ZC3HC1: variants seen among roughly 807,000 people sequenced by gnomAD.
The protein encoded by ZC3HC1 is zinc finger C3HC-type protein 1.
In ZC3HC1, 38 loss-of-function variants were observed where a neutral mutation model predicts 61.9. The observed-to-expected ratio is 0.61, with a 90% CI of 0.47 to 0.81. The LOEUF (loss-of-function observed/expected upper bound fraction) is 0.81, where lower values mean the gene tolerates loss of function less well. ZC3HC1 is among the 30% of genes least tolerant of loss of function. The pLI is 0.00. For synonymous variants in ZC3HC1, 213 were observed against 229.9 expected (o/e 0.93, Z 0.67); for missense variants, 554 against 622.7 (o/e 0.89, Z 1.17).
intron 4 of ZC3HC1, among the ~76,000 whole-genome samples, chr7:130,031,093 G>T (rs901516696): frequency 2.2e-4 from 33 of 151,728 alleles, no homozygotes; most frequent in Non-Finnish European, 1.5e-4. Flanking sequence ...ACTTTGGGAG[G>T]CCAAGGTGGG....
intron 6 of ZC3HC1, among the ~76,000 whole-genome samples, chr7:130,025,126 G>A (rs543132275): frequency 8.8e-5 from 13 of 147,960 alleles, no homozygotes; most frequent in East Asian, 6.8e-4. Context: ...GGCTGGTCTC[G>A]AATTCCTGAC....
Position 130,022,449 on chromosome 7 carries a change from C to T in ZC3HC1, c.1310G>A (p.Gly437Asp). The T allele has an allele frequency of 1.2e-6, 2 of 1,611,274 alleles. No individual in the cohort carries two copies. Among genetic ancestry groups the T allele is most frequent in the South Asian group, 1.1e-5 (1 of 90,582 alleles). ...TCCACCATTCTCCCTGCTTTCTTTG[C>T]CAAGTGTGATATTCACCCAAGGGCA... is the stretch of plus-strand genomic sequence containing the variant. The part of the protein sequence containing the change: ...DWCPWVNITL[G>D]KESRENGGTE... Residue 437 changes from glycine to aspartate, a missense_variant, in exon 9 of 10, where the codon GGC (glycine) becomes GAC (aspartate). By Grantham distance (94) the Gly-to-Asp change is moderately conservative. Transcript: ENST00000358303.
intron 9 of ZC3HC1, among the ~76,000 whole-genome samples, chr7:130,019,219 T>G (rs1310020835): frequency 6.6e-6 from 1 of 152,020 alleles, no homozygotes; most frequent in East Asian, 1.9e-4. Flanking sequence ...TGGCTAATTT[T>G]TTGTATTTTT....
chr7:130,019,587 A>G (rs1017864572), intron 9 of ZC3HC1, among the ~76,000 whole-genome samples: 3 of 152,192 alleles, frequency 2.0e-5, no homozygotes, highest in African/African-American at 4.8e-5. Context: ...GATCATGCCA[A>G]TGAAGTACTC....
intron 9 of ZC3HC1, 49 bp from the exon 10 acceptor site, chr7:130,018,781 C>T (rs1286238147): frequency 4.0e-6 from 6 of 1,500,682 alleles, no homozygotes; most frequent in Admixed American, 1.7e-5. Flanking sequence ...TTTATAGAGA[C>T]AAAGGATAGA....
Position 130,026,201 on chromosome 7 carries a change from G to A in ZC3HC1, c.733C>T (p.His245Tyr). 1 of 1,614,068 alleles carries A rather than the reference G, an allele frequency of 6.2e-7. No homozygotes were observed. The highest frequency in any genetic ancestry group is 1.3e-5 in the African/African-American group (1 of 75,020). ...TIKLGSDIQV[H>Y]VTACILSVCG... is the part of the protein sequence containing the mutation. ...ACAGAGAGAATACAGGCAGTGACGT[G>A]GACTTGGATGTCTGAGCCTAATTTG... is the stretch of plus-strand genomic sequence containing the variant. Residue 245 changes from histidine to tyrosine, a missense_variant, in exon 6 of 10, where the codon CAC (histidine) becomes TAC (tyrosine). His to Tyr is a moderately conservative substitution (Grantham distance 83). Coordinates refer to ENST00000358303, the MANE Select transcript of ZC3HC1 (RefSeq NM_016478.5).
At chr7:130,024,894 CTTTTTTTTTTTTT>C (rs544256735) in intron 6 of ZC3HC1, among the ~76,000 whole-genome samples, 10 of 37,056 alleles carry the variant, frequency 2.7e-4, no homozygotes, top group East Asian at 2.6e-3. Context: ...TCCTGTCCCT[CTTTTTTTTTTTTT>C]TTTTTTTTTT....
chr7:130,033,861 A>T (rs189287548), intron 4 of ZC3HC1, among the ~76,000 whole-genome samples: 1 of 152,300 alleles, frequency 6.6e-6, no homozygotes, highest in East Asian at 1.9e-4. Flanking sequence ...CAACTCTCCA[A>T]AGAGCCTGAT....
intron 2 of ZC3HC1, among the ~76,000 whole-genome samples, chr7:130,047,638 TACACACACACACAC>T (rs34052360): frequency 1.7e-4 from 23 of 138,214 alleles, no homozygotes; most frequent in South Asian, 1.2e-3. Context: ...AGACTTTGTC[TACACACACACACAC>T]ACACACACAC....
At chr7:130,030,135 A>G (rs567183555) in intron 4 of ZC3HC1, among the ~76,000 whole-genome samples, 1 of 151,740 alleles carries the variant, frequency 6.6e-6, no homozygotes, top group African/African-American at 2.4e-5. Context: ...TTGCTAAGCT[A>G]CTTCCTAAAG....
At position 130,023,869 on chromosome 7, in the gene ZC3HC1, G is replaced by T; in HGVS notation, c.1021-146C>A. 1 of 750,626 alleles carries T rather than the reference G, an allele frequency of 1.3e-6. No individual in the cohort carries two copies. The highest frequency in any genetic ancestry group is 2.1e-6 in the Non-Finnish European group (1 of 479,502). The allele number at this position is 750,626 out of a possible 1,614,324, so 46.5% of individuals were successfully genotyped here. On this transcript the variant is annotated intron_variant, in intron 7 of 9. Coordinates refer to ENST00000358303, the MANE Select transcript of ZC3HC1 (RefSeq NM_016478.5). This position sits in a 1 kb window ranked among gnomAD's most constrained non-coding sequence, Gnocchi z 4.2. ...GGCTGGAGAGCAGTGAGGCGATCTT[G>T]GCTCATGGCAACCTCTGCCTCCCGA...
chr7:130,042,392 A>T (rs1415942491), intron 2 of ZC3HC1, among the ~76,000 whole-genome samples: 2 of 152,166 alleles, frequency 1.3e-5, no homozygotes, highest in Admixed American at 6.5e-5. Flanking sequence ...CTAGGAACTT[A>T]AAGGCACCAG....
intron 1 of ZC3HC1, among the ~76,000 whole-genome samples, chr7:130,049,712 G>A (rs1304653527): frequency 1.3e-5 from 2 of 151,622 alleles, no homozygotes; most frequent in East Asian, 2.0e-4. Context: ...GCGTGGGCCC[G>A]GCTAATTTTT....
chr7:130,039,270 G>A (rs1794550259), intron 4 of ZC3HC1, 194 bp downstream of exon 4: 2 of 566,118 alleles, frequency 3.5e-6, no homozygotes, highest in African/African-American at 1.9e-5. Flanking sequence ...CTTGAACGCG[G>A]GAGGCGAAGG....
rs567788496 is a variant in ZC3HC1 at position 130,031,540 on chromosome 7, A to G, written c.494-2511T>C. On this transcript the variant is annotated intron_variant, in intron 4 of 9. Transcript: ENST00000358303. Reference sequence around the variant, plus strand: ...CCCAGACAGGTTTTCAAAAATGATCATTGGCAACTGTTTAACATCACAGTT... The same window carrying G: ...CCCAGACAGGTTTTCAAAAATGATCGTTGGCAACTGTTTAACATCACAGTT... 7.2e-5 allele frequency among the ~76,000 whole-genome samples: 11 copies of G among 152,280 alleles called. No homozygotes were observed. The South Asian group carries it at 2.3e-3, about 32-fold the overall frequency.
intron 9 of ZC3HC1, among the ~76,000 whole-genome samples, chr7:130,019,270 T>C (rs1793521674): frequency 6.6e-6 from 1 of 152,084 alleles, no homozygotes; most frequent in African/African-American, 2.4e-5. Flanking sequence ...AGGATGGTCT[T>C]GATCTCCTGA....
chr7:130,030,558 GAA>G (rs1491258467), intron 4 of ZC3HC1, among the ~76,000 whole-genome samples: 1 of 151,960 alleles, frequency 6.6e-6, no homozygotes, highest in Admixed American at 6.6e-5. Flanking sequence ...TAGGAAAAGT[GAA>G]GAGAGAACAT....
chr7:130,038,752 C>T (rs756363220), intron 4 of ZC3HC1, among the ~76,000 whole-genome samples: 2 of 147,804 alleles, frequency 1.4e-5, no homozygotes, highest in African/African-American at 5.0e-5. Flanking sequence ...CCCAGCTACT[C>T]GGGAGGCTGA....
rs929532408 is a variant in ZC3HC1, at chr7:130,022,426, C to T, written c.1333G>A (p.Gly445Arg). ...GGGGCGCTGGCATCTGGTTCAGTTC[C>T]ACCATTCTCCCTGCTTTCTTTGCCA... ...TLGKESRENGGTEPDASAPAE... is the reference protein window; with the variant it reads ...TLGKESRENGRTEPDASAPAE... Residue 445 changes from glycine to arginine, a missense_variant, in exon 9 of 10, where the codon GGA (glycine) becomes AGA (arginine). Transcript: ENST00000358303. 2.5e-6 allele frequency: 4 copies of T among 1,612,304 alleles called. No homozygotes were observed. In the South Asian group the frequency reaches 4.4e-5, roughly 18 times the overall value.
Sources: gnomAD v4.1 joint callset for allele counts (sites outside exome capture counted in the v4.1 genomes callset) on GRCh38, gnomAD v4.1.1 for gene constraint, Gnocchi (gnomAD v3.1) non-coding constraint, MANE v1.5 for transcripts, NCBI Gene and HGNC (gene_info 2026-07-23, HGNC 2026-07-21) for gene names.